The following FBXO9 variants were observed in gnomAD, a reference collection of about 807,000 sequenced individuals.
The protein encoded by FBXO9 is F-box only protein 9.
FBXO9 carries 43 observed loss-of-function variants against 63.7 expected under a neutral mutation model. The ratio of observed to expected loss-of-function variants is 0.67; its 90% confidence interval spans 0.53 to 0.87. FBXO9 has a LOEUF of 0.87. FBXO9 is among the 40% of genes least tolerant of loss of function. The pLI is 0.00. For missense variants in FBXO9, 442 were observed against 533.2 expected, an observed-to-expected ratio of 0.83 and a Z score of 1.68; for synonymous variants, 156 against 171.7, an observed-to-expected ratio of 0.91 and a Z score of 0.72.
rs1763188464 is a variant in FBXO9, at chr6:53,095,598, G to A, written c.1139G>A (p.Cys380Tyr). ...DQSFHVGLQL[C>Y]SSGHQRFNKL... Reference sequence around the variant, plus strand: ...AGTTTTCATGTGGGGCTACAGCTATGTTCCAGTGGTCACCAGAGGTTCAAC... The same window carrying A: ...AGTTTTCATGTGGGGCTACAGCTATATTCCAGTGGTCACCAGAGGTTCAAC... Residue 380 changes from cysteine (C) to tyrosine (Y), a missense_variant, in exon 12 of 13, where the codon TGT (cysteine) becomes TAT (tyrosine). By Grantham distance (194) the Cys-to-Tyr change is radical (BLOSUM62 -2). Around this residue, in one of 2 missense-constraint regions of FBXO9, gnomAD observed 262 missense variants for 362.1 expected, o/e 0.72. Transcript: ENST00000323557. 6.2e-7 allele frequency: 1 copy of A among 1,613,598 alleles called. No individual in the cohort carries two copies. Among genetic ancestry groups the A allele is most frequent in the Non-Finnish European group, 8.5e-7 (1 of 1,179,778 alleles).
rs1581800391 is a variant in FBXO9, at chr6:53,065,726, C to T, written c.-64C>T. On this transcript the variant is annotated 5_prime_UTR_variant, in exon 1 of 13. Transcript: ENST00000323557. ...GACACCCGGACACCCAGCACCCCTC[C>T]TCCGGGGGGCGGTGCAGAGGGGGCA... 1.3e-5 allele frequency: 19 copies of T among 1,428,552 alleles called. No homozygotes were observed. Among genetic ancestry groups the T allele is most frequent in the South Asian group, 4.2e-5 (3 of 71,630 alleles). 88.5% of individuals were successfully genotyped at this position (1,428,552 alleles called of 1,614,324 possible).
chr6:53,081,151 T>C, intron 6 of FBXO9, 53 bp downstream of exon 6: 1 of 1,552,896 alleles, frequency 6.4e-7, no homozygotes, highest in Non-Finnish European at 8.7e-7. Context: ...ACCTTAAAGA[T>C]TTCCAAATTT....
chr6:53,071,621 A>G (rs1174132506), intron 2 of FBXO9, among the ~76,000 whole-genome samples: 42 of 152,230 alleles, frequency 2.8e-4, no homozygotes, highest in Non-Finnish European at 1.9e-4. Flanking sequence ...TGGCCATTAA[A>G]TATTTGAAGA....
chr6:53,092,870 T>TTTAACTAATACATGGAGAGA, intron 9 of FBXO9, 46 bp downstream of exon 9: 2 of 1,325,236 alleles, frequency 1.5e-6, no homozygotes, highest in Non-Finnish European at 2.1e-6. Flanking sequence ...TCTCTCTCCA[T>TTTAACTAATACATGGAGAGA]GTATTAGTTA....
intron 7 of FBXO9, among the ~76,000 whole-genome samples, chr6:53,087,339 C>G (rs1762917996): frequency 8.7e-6 from 1 of 114,410 alleles, no homozygotes; most frequent in South Asian, 3.0e-4. Flanking sequence ...AAGATCCTAT[C>G]TCAAAAAAAA....
chr6:53,074,317 ACTTAC>A (rs1172649531), intron 3 of FBXO9, among the ~76,000 whole-genome samples: 1 of 152,204 alleles, frequency 6.6e-6, no homozygotes, highest in African/African-American at 2.4e-5. Context: ...TACCATGATG[ACTTAC>A]CTTCTATCTC....
intron 6 of FBXO9, among the ~76,000 whole-genome samples, chr6:53,081,755 C>T (rs1390773675): frequency 1.3e-5 from 2 of 152,148 alleles, no homozygotes; most frequent in Admixed American, 1.3e-4. Context: ...TGTCCTGAGA[C>T]AGACTGAATG....
At position 53,066,650 on chromosome 6, in the gene FBXO9, G is replaced by A. The variant is rs144089724; in HGVS notation, c.3+858G>A. ...AATCTGGAGGATAGAAAAGGCAATT[G>A]CCCCTGCCCCTAAACTTTCAGAAGT... On this transcript the variant is annotated intron_variant, in intron 1 of 12. Coordinates refer to ENST00000323557, the MANE Select transcript of FBXO9 (RefSeq NM_033480.3). Among the ~76,000 whole-genome samples the A allele has an allele frequency of 2.4e-4, 36 of 152,308 alleles. No homozygotes were observed. The East Asian group carries it at 6.5e-3, about 28-fold the overall frequency.
intron 5 of FBXO9, among the ~76,000 whole-genome samples, chr6:53,079,973 G>T (rs893042890): frequency 6.6e-6 from 1 of 151,988 alleles, no homozygotes; most frequent in African/African-American, 2.4e-5. Context: ...TGAATCACTT[G>T]GGTTTTTTCT....
intron 5 of FBXO9, among the ~76,000 whole-genome samples, chr6:53,080,115 A>G (rs774269016): frequency 2.0e-5 from 3 of 151,280 alleles, no homozygotes; most frequent in Admixed American, 6.6e-5. Flanking sequence ...CCCATTTTTT[A>G]TACAAACCCA....
rs1446299604 is a variant in FBXO9, at chr6:53,100,709, A to G, written c.*2879A>G. The G allele has an allele frequency of 6.6e-6, 1 of 152,206 alleles. No individual in the cohort carries two copies. Among genetic ancestry groups the G allele is most frequent in the Admixed American group, 6.5e-5 (1 of 15,282 alleles). The allele number at this position is 152,206 out of a possible 1,614,324, so 9.4% of individuals were successfully genotyped here. ...ATAAAAATGGGATTATATTGTACAG[A>G]ATGCTTTGTAAGCTTTCTCTCCCCA... On this transcript the variant is annotated 3_prime_UTR_variant, in exon 13 of 13. Coordinates refer to ENST00000323557, the MANE Select transcript of FBXO9 (RefSeq NM_033480.3).
At chr6:53,066,133 C>T (rs1768690139) in intron 1 of FBXO9, 2 of 1,115,214 alleles carry the variant, frequency 1.8e-6, no homozygotes, top group African/African-American at 1.6e-5. Flanking sequence ...TTATCAGAAG[C>T]ATTGAGCATA....
intron 4 of FBXO9, 115 bp from the exon 5 acceptor site, chr6:53,078,684 A>G (rs1350613398): frequency 1.9e-5 from 13 of 701,092 alleles, no homozygotes; most frequent in Admixed American, 2.6e-5. Flanking sequence ...ATGTAGAAAA[A>G]CAGAATTTGG....
chr6:53,098,790 G>C lies in FBXO9; in HGVS notation c.*960G>C, dbSNP rs1366044023. 6.6e-6 allele frequency: 1 copy of C among 152,108 alleles called. No individual in the cohort carries two copies. Among genetic ancestry groups the C allele is most frequent in the Non-Finnish European group, 1.5e-5 (1 of 68,032 alleles). 9.4% of individuals were successfully genotyped at this position (152,108 alleles called of 1,614,324 possible). Reference sequence around the variant, plus strand: ...ATAGTAGAGGATCATGTAAACCTGAGCCTAACTCTTGTTCCAGTATGAAAG... The same window carrying C: ...ATAGTAGAGGATCATGTAAACCTGACCCTAACTCTTGTTCCAGTATGAAAG... On this transcript the variant is annotated 3_prime_UTR_variant, in exon 13 of 13. Coordinates refer to ENST00000323557, the MANE Select transcript of FBXO9 (RefSeq NM_033480.3).
intron 7 of FBXO9, among the ~76,000 whole-genome samples, chr6:53,087,341 CAAAAAAAAAA>C (rs58776188): frequency 2.1e-5 from 1 of 48,420 alleles, no homozygotes; most frequent in Non-Finnish European, 4.3e-5. Context: ...GATCCTATCT[CAAAAAAAAAA>C]AAAAAAAAAA....
At position 53,065,519 on chromosome 6, in the gene FBXO9, C is replaced by T. The variant is rs919469361; in HGVS notation, c.-271C>T. 2.6e-6 allele frequency: 1 copy of T among 386,712 alleles called. No homozygotes were observed. Among genetic ancestry groups the T allele is most frequent in the Non-Finnish European group, 4.6e-6 (1 of 217,878 alleles). The allele number at this position is 386,712 out of a possible 1,614,324, so 24.0% of individuals were successfully genotyped here. A position where few individuals can be genotyped will look rare whatever the true frequency, so the allele number is the denominator to read the frequency against. ...TCGCACAATCCCCCGCCTCGGCTGG[C>T]AACGGGCGTCCCTCCACTCCCCGAG... On this transcript the variant is annotated 5_prime_UTR_variant, in exon 1 of 13. Transcript: ENST00000323557.
chr6:53,094,864 GC>G (rs1438275097), intron 11 of FBXO9: 1 of 334,604 alleles, frequency 3.0e-6, no homozygotes, highest in Admixed American at 4.1e-5. Context: ...AATTTGGAAG[GC>G]CTTAGTTGCT....
chr6:53,087,841 T>C (rs1166191399), intron 7 of FBXO9, among the ~76,000 whole-genome samples: 1 of 152,214 alleles, frequency 6.6e-6, no homozygotes, highest in East Asian at 1.9e-4. Flanking sequence ...TTTAGTTTTG[T>C]ATTAGTGTAT....
chr6:53,098,281 G>A lies in FBXO9; in HGVS notation c.*451G>A. 1 of 208,800 alleles carries A rather than the reference G, an allele frequency of 4.8e-6. No individual in the cohort carries two copies. Among genetic ancestry groups the A allele is most frequent in the East Asian group, 1.8e-4 (1 of 5,712 alleles). 12.9% of individuals were successfully genotyped at this position (208,800 alleles called of 1,614,324 possible). On this transcript the variant is annotated 3_prime_UTR_variant, in exon 13 of 13. Transcript: ENST00000323557. ...ATTTCCCGCATGGCATAATGTTTTTGCACTAAAGGCTCAAAGTGTGAGAAC... is the reference window on the plus strand; with the variant it reads ...ATTTCCCGCATGGCATAATGTTTTTACACTAAAGGCTCAAAGTGTGAGAAC...
Sources: allele counts gnomAD v4.1 joint callset (sites outside exome capture counted in the v4.1 genomes callset), GRCh38; gene constraint gnomAD v4.1.1; regional missense constraint gnomAD v4.1.1; transcripts MANE v1.5; gene names NCBI Gene and HGNC (gene_info 2026-07-23, HGNC 2026-07-21).